Variants in MTFMT observed in about 807,000 individuals in gnomAD.
The protein encoded by MTFMT is methionyl-tRNA formyltransferase, mitochondrial.
Under a neutral mutation model 51.8 loss-of-function variants are expected in MTFMT, and 47 were observed. That is an observed-to-expected ratio of 0.91 (90% confidence interval 0.72 to 1.16). The LOEUF (loss-of-function observed/expected upper bound fraction) is 1.16. MTFMT is among the 50% of genes most tolerant of loss of function. The pLI, the probability that MTFMT is intolerant of heterozygous loss-of-function variation, is 0.00. For synonymous variants in MTFMT, 196 were observed against 176.7 expected (o/e 1.11, Z -0.87); for missense variants, 512 against 482.3 (o/e 1.06, Z -0.58).
At chr15:65,025,093 T>C (rs139447860) in intron 2 of MTFMT, among the ~76,000 whole-genome samples, 339 of 152,158 alleles carry the variant, frequency 2.2e-3, no homozygotes, top group Middle Eastern at 3.4e-3. Flanking sequence ...ATCTGACTTG[T>C]TTTAAAAGGA....
At chr15:65,023,337 G>A (rs978047474) in intron 3 of MTFMT, among the ~76,000 whole-genome samples, 1 of 151,948 alleles carries the variant, frequency 6.6e-6, no homozygotes, top group Non-Finnish European at 1.5e-5. Flanking sequence ...AGAAACCAAG[G>A]CCAGCAAAAC....
chr15:65,025,075 G>A (rs2086409914), intron 2 of MTFMT, among the ~76,000 whole-genome samples: 1 of 152,016 alleles, frequency 6.6e-6, no homozygotes, highest in Admixed American at 6.6e-5. Flanking sequence ...TTTGAGCAGA[G>A]TGACATGATC....
chr15:65,012,149 A>G (rs2086273835), intron 6 of MTFMT, among the ~76,000 whole-genome samples: 2 of 148,512 alleles, frequency 1.3e-5, no homozygotes, highest in Non-Finnish European at 1.5e-5. Flanking sequence ...AAAAAAAAAA[A>G]AAAAAAAAAA....
chr15:65,023,651 A>G (rs756070340), intron 3 of MTFMT, 21 bp downstream of exon 3: 15 of 1,611,360 alleles, frequency 9.3e-6, no homozygotes, highest in Non-Finnish European at 1.3e-5. Flanking sequence ...AAAAATCTCA[A>G]GAAAGGAAAA....
In MTFMT at chr15:65,024,287, T is replaced by C. The variant is rs530428533; in HGVS notation, c.420-493A>G. ...GTGCAGTGAACCGAGATCACGCCAT[T>C]GCACTCCAGCCTGGGCAACAAGAGC... On this transcript the variant is annotated intron_variant, in intron 2 of 8. Transcript: ENST00000220058. Among the ~76,000 whole-genome samples, 8 of 152,284 alleles carry C rather than the reference T, an allele frequency of 5.3e-5. No homozygotes were observed. In the South Asian group the frequency reaches 1.5e-3, roughly 28 times the overall value.
intron 6 of MTFMT, among the ~76,000 whole-genome samples, chr15:65,010,863 T>A (rs1300039271): frequency 6.6e-6 from 1 of 152,220 alleles, no homozygotes; most frequent in African/African-American, 2.4e-5. Flanking sequence ...TTTCTCCACA[T>A]CCTTGCCAAC....
rs2140493696 is a variant in MTFMT at position 65,029,488 on chromosome 15, G to A, written c.126C>T (p.Val42=). ...LGWEDCRDSR[V]REKPPWRVLF... Reference sequence around the variant, plus strand: ...GCACCCGCCAGGGAGGCTTCTCGCGGACTCTGGAGTCCCGGCAGTCCTCCC... The same window carrying A: ...GCACCCGCCAGGGAGGCTTCTCGCGAACTCTGGAGTCCCGGCAGTCCTCCC... Residue 42 remains valine (V), a synonymous_variant, in exon 1 of 9, where the codon GTC becomes GTT. Coordinates refer to ENST00000220058, the MANE Select transcript of MTFMT (RefSeq NM_139242.4). 6.5e-7 allele frequency: 1 copy of A among 1,534,058 alleles called. No individual in the cohort carries two copies. Among genetic ancestry groups the A allele is most frequent in the Middle Eastern group, 1.8e-4 (1 of 5,644 alleles).
intron 5 of MTFMT, 77 bp downstream of exon 5, chr15:65,020,120 A>T: frequency 1.5e-6 from 2 of 1,350,472 alleles, no homozygotes; most frequent in South Asian, 1.4e-5. Flanking sequence ...AGTACAGCTA[A>T]GAAGTCAGAA....
At position 65,002,895 on chromosome 15, in the gene MTFMT, G is replaced by A. The variant is rs1001743972; in HGVS notation, c.*167C>T. 27 of 398,560 alleles carry A rather than the reference G, an allele frequency of 6.8e-5. No homozygotes were observed. Among genetic ancestry groups the A allele is most frequent in the East Asian group, 5.0e-4 (12 of 24,216 alleles). The allele number at this position is 398,560 out of a possible 1,614,324, so 24.7% of individuals were successfully genotyped here. On this transcript the variant is annotated 3_prime_UTR_variant, in exon 9 of 9. Coordinates refer to ENST00000220058, the MANE Select transcript of MTFMT (RefSeq NM_139242.4). Reference sequence around the variant, plus strand: ...GGAGAATTGCTTGAACCTGGGAGGCGGAGGTTGCAGTGAGCTGAGATAGTG... The same window carrying A: ...GGAGAATTGCTTGAACCTGGGAGGCAGAGGTTGCAGTGAGCTGAGATAGTG...
At chr15:65,016,800 A>G (rs1342346733) in intron 5 of MTFMT, among the ~76,000 whole-genome samples, 2 of 140,386 alleles carry the variant, frequency 1.4e-5, no homozygotes, top group African/African-American at 5.2e-5. Context: ...TTTTTTTTTG[A>G]GATAGGGTCT....
In MTFMT at chr15:65,023,794, A is replaced by G; in HGVS notation, c.420T>C (p.Tyr140=). 6.2e-7 allele frequency: 1 copy of G among 1,610,438 alleles called. No homozygotes were observed. Among genetic ancestry groups the G allele is most frequent in the Non-Finnish European group, 8.5e-7 (1 of 1,177,806 alleles). The change falls in exon 3 of 9, where the codon TAT becomes TAC. Residue 140 remains tyrosine (Y), a splice_region_variant and synonymous_variant. Coordinates refer to ENST00000220058, the MANE Select transcript of MTFMT (RefSeq NM_139242.4). ...LNEALILKFP[Y]GILNVHPSCL... Reference sequence around the variant, plus strand: ...AACTGGGATGAACATTCAATATGCCACTGAGTTAGAAAATGTAGAAATTAG... The same window carrying G: ...AACTGGGATGAACATTCAATATGCCGCTGAGTTAGAAAATGTAGAAATTAG...
intron 6 of MTFMT, among the ~76,000 whole-genome samples, chr15:65,007,388 A>T (rs536162487): frequency 6.6e-6 from 1 of 152,374 alleles, no homozygotes; most frequent in African/African-American, 2.4e-5. Context: ...TTTCATCAGT[A>T]CATACTTATC....
At position 65,016,317 on chromosome 15, in the gene MTFMT, T is replaced by A. The variant is rs2086321856; in HGVS notation, c.813+119A>T. 8 of 625,862 alleles carry A rather than the reference T, an allele frequency of 1.3e-5. No individual in the cohort carries two copies. In the Admixed American group the frequency reaches 2.2e-4, roughly 17 times the overall value. The allele number at this position is 625,862 out of a possible 1,614,324, so 38.8% of individuals were successfully genotyped here. ...GGTTTTCTAGGTTTTGTTCCTAAGA[T>A]CAACCTTTTATTTGGGATATTTTTA... On this transcript the variant is annotated intron_variant, in intron 6 of 8. Transcript: ENST00000220058.
chr15:65,003,845 C>CAAAAAAAAAAAAAAAAAAAAAA (rs768884218), intron 8 of MTFMT, among the ~76,000 whole-genome samples: 8 of 40,644 alleles, frequency 2.0e-4, no homozygotes, highest in East Asian at 6.4e-4. Context: ...AACTCCATCT[C>CAAAAAAAAAAAAAAAAAAAAAA]AAAAAAAAAA....
chr15:65,018,949 G>A (rs2140483653), intron 5 of MTFMT, among the ~76,000 whole-genome samples: 1 of 152,202 alleles, frequency 6.6e-6, no homozygotes, highest in Middle Eastern at 3.4e-3. Flanking sequence ...CAATTAATGA[G>A]GAAAAACTCT....
intron 8 of MTFMT, 23 bp from the exon 9 acceptor site, chr15:65,003,279 T>A (rs552547134): frequency 6.3e-7 from 1 of 1,593,754 alleles, no homozygotes; most frequent in Non-Finnish European, 8.6e-7. Context: ...ATACAAATAG[T>A]GAATAGGCAG....
At chr15:65,009,244 G>A (rs1338326637) in intron 6 of MTFMT, among the ~76,000 whole-genome samples, 1 of 152,170 alleles carries the variant, frequency 6.6e-6, no homozygotes, top group South Asian at 2.1e-4. Context: ...AAACCGCAGA[G>A]GGTAAGAATC....
intron 5 of MTFMT, among the ~76,000 whole-genome samples, chr15:65,019,894 G>GAGAA (rs1443716288): frequency 6.6e-6 from 1 of 152,042 alleles, no homozygotes; most frequent in Admixed American, 6.6e-5. Flanking sequence ...AATACATAAA[G>GAGAA]AGAAAGAAAA....
chr15:65,020,272 GCT>G lies in MTFMT; in HGVS notation c.646-2_646-1del. On this transcript the variant is annotated splice_acceptor_variant, in intron 4 of 8. Transcript: ENST00000220058. LOFTEE classifies it high-confidence loss of function. ...GGCAAATTTTTCAAAACTGAAATGA[GCT>G]ACAAAAAAAAAAAAAAGAGTGTGAT... The G allele has an allele frequency of 1.9e-6, 3 of 1,564,840 alleles. No homozygotes were observed. Among genetic ancestry groups the G allele is most frequent in the Admixed American group, 3.9e-5 (2 of 50,860 alleles).
Sources: allele counts gnomAD v4.1 joint callset (sites outside exome capture counted in the v4.1 genomes callset), GRCh38; gene constraint gnomAD v4.1.1; transcripts MANE v1.5; gene names NCBI Gene and HGNC (gene_info 2026-07-23, HGNC 2026-07-21).